Variants in DNAH11 observed in about 807,000 individuals in gnomAD.
DNAH11 encodes the protein dynein axonemal heavy chain 11.
A neutral mutation model predicts 526.0 loss-of-function variants in DNAH11; 442 were observed. The observed-to-expected ratio is 0.84, with a 90% CI of 0.78 to 0.91. DNAH11 has a LOEUF of 0.91. Ranked by LOEUF, DNAH11 falls within the 40% of genes least tolerant of loss-of-function variation. DNAH11 has a pLI of 0.00. For synonymous variants in DNAH11, 2,461 were observed against 1,935.9 expected (o/e 1.27, Z -7.12); for missense variants, 6,989 against 5,448.7 (o/e 1.28, Z -8.90).
At chr7:21,888,047 C>T (rs1388303765) in intron 76 of DNAH11, among the ~76,000 whole-genome samples, 5 of 152,254 alleles carry the variant, frequency 3.3e-5, no homozygotes, top group East Asian at 1.9e-4. Flanking sequence ...ACGGGCAATA[C>T]GGGAGACCAG....
At chr7:21,710,441 C>G (rs566493486) in intron 40 of DNAH11, 112 bp from the exon 41 acceptor site, 5 of 894,188 alleles carry the variant, frequency 5.6e-6, no homozygotes, top group African/African-American at 1.7e-5. Context: ...ACACACTGCC[C>G]GCAAGAAAGA....
chr7:21,754,951 C>T lies in DNAH11; in HGVS notation c.8940+4587C>T, dbSNP rs536358036. ...TTATTTTCAGATATCATGATATTCA[C>T]CAGTGTGTACTAAAGACTCAGAATT... is the stretch of plus-strand genomic sequence containing the variant. On this transcript the variant is annotated intron_variant, in intron 54 of 81. Coordinates refer to ENST00000409508, the MANE Select transcript of DNAH11 (RefSeq NM_001277115.2). Among the ~76,000 whole-genome samples, 3 of 152,288 alleles carry T rather than the reference C, an allele frequency of 2.0e-5. No homozygotes were observed. The East Asian group carries it at 5.8e-4, about 29-fold the overall frequency.
intron 65 of DNAH11, among the ~76,000 whole-genome samples, chr7:21,838,326 A>G (rs532028199): frequency 2.0e-5 from 3 of 152,324 alleles, no homozygotes; most frequent in African/African-American, 4.8e-5. Flanking sequence ...TAAAAGCCCA[A>G]ATGTTAATGA....
Position 21,724,912 on chromosome 7 carries a change from G to A in DNAH11, c.7267-899G>A, listed in dbSNP as rs77500009. Among the ~76,000 whole-genome samples, 11 of 108,642 alleles carry A rather than the reference G, an allele frequency of 1.0e-4. No homozygotes were observed. In the East Asian group the frequency reaches 1.4e-3, roughly 13 times the overall value. 71.3% of individuals were successfully genotyped at this position (108,642 alleles called of 152,430 possible). On this transcript the variant is annotated intron_variant, in intron 44 of 81. Coordinates refer to ENST00000409508, the MANE Select transcript of DNAH11 (RefSeq NM_001277115.2). ...GCCAGATTATCCTATGGATATAGGA[G>A]TCACTGGGCCAGATCATCCTGTGGA...
At chr7:21,850,524 T>G (rs1054939534) in intron 66 of DNAH11, among the ~76,000 whole-genome samples, 4 of 146,720 alleles carry the variant, frequency 2.7e-5, no homozygotes, top group Admixed American at 2.0e-4. Flanking sequence ...GCACATTAAG[T>G]AGTTATTTTT....
Position 21,558,807 on chromosome 7 carries a change from A to G in DNAH11, c.501A>G (p.Leu167=), listed in dbSNP as rs776927803. 1.9e-6 allele frequency: 3 copies of G among 1,573,374 alleles called. No individual in the cohort carries two copies. Among genetic ancestry groups the G allele is most frequent in the Non-Finnish European group, 2.6e-6 (3 of 1,164,988 alleles). ...GHVSAFLDEI[L]VPVLSNKNNH... ...CTATGTTTCTCTTTCTCTAGATTTT[A>G]GTGCCAGTTCTTTCTAATAAGAACA... Residue 167 remains leucine, a synonymous_variant, in exon 3 of 82, where the codon TTA becomes TTG. Coordinates refer to ENST00000409508, the MANE Select transcript of DNAH11 (RefSeq NM_001277115.2).
chr7:21,623,934 G>A (rs1786204321), intron 25 of DNAH11, among the ~76,000 whole-genome samples: 1 of 151,172 alleles, frequency 6.6e-6, no homozygotes, highest in Admixed American at 6.6e-5. Context: ...CCTGCACATT[G>A]TGCACATGTA....
At chr7:21,589,756 C>T (rs977978714) in intron 12 of DNAH11, among the ~76,000 whole-genome samples, 25 of 152,216 alleles carry the variant, frequency 1.6e-4, no homozygotes, top group African/African-American at 6.0e-4. Flanking sequence ...AATCATTTGT[C>T]TTTGCCGGAC....
chr7:21,838,814 C>T lies in DNAH11; in HGVS notation c.10692-3730C>T, dbSNP rs370350290. Among the ~76,000 whole-genome samples, 21 of 152,080 alleles carry T rather than the reference C, an allele frequency of 1.4e-4. No individual in the cohort carries two copies. The East Asian group carries it at 2.5e-3, about 18-fold the overall frequency. On this transcript the variant is annotated intron_variant, in intron 65 of 81. Transcript: ENST00000409508. The stretch of plus-strand genomic sequence containing the variant: ...GCCTGATCACAGCTCACGGCAGCCT[C>T]GACCTCCCAAGGCTCAGGTGATCCT...
At chr7:21,620,341 G>T (rs1282681850) in intron 25 of DNAH11, among the ~76,000 whole-genome samples, 2 of 152,034 alleles carry the variant, frequency 1.3e-5, no homozygotes, top group Non-Finnish European at 2.9e-5. Flanking sequence ...TATTCCTCCT[G>T]TCTAACTGAA....
chr7:21,658,319 T>C (rs1377523556), intron 29 of DNAH11, among the ~76,000 whole-genome samples: 3 of 152,080 alleles, frequency 2.0e-5, no homozygotes, highest in Non-Finnish European at 4.4e-5. Flanking sequence ...ACTATGAAGA[T>C]TTTAGAGAAG....
intron 70 of DNAH11, 90 bp from the exon 71 acceptor site, chr7:21,866,380 T>G: frequency 1.5e-6 from 2 of 1,320,474 alleles, no homozygotes; most frequent in Non-Finnish European, 2.1e-6. Context: ...ACAGTTTTTT[T>G]ACATAAGATT....
chr7:21,619,163 G>C lies in DNAH11; in HGVS notation c.4318G>C (p.Val1440Leu), dbSNP rs753773546. 37 of 1,613,496 alleles carry C rather than the reference G, an allele frequency of 2.3e-5. No homozygotes were observed. In the East Asian group the frequency reaches 2.7e-4, roughly 12 times the overall value. Residue 1440 changes from valine (V) to leucine (L), a missense_variant, in exon 24 of 82, where the codon GTG becomes CTG. Val to Leu is a conservative substitution (Grantham distance 32). Transcript: ENST00000409508. ...TTTGTTAGCACTGCGGTTACACAGAGTGGAAGATGATGTCCGAAGGATTGT... is the reference window on the plus strand; with the variant it reads ...TTTGTTAGCACTGCGGTTACACAGACTGGAAGATGATGTCCGAAGGATTGT... Reference protein sequence around the residue: ...ADLLALRLHRVEDDVRRIVDK... With the variant: ...ADLLALRLHRLEDDVRRIVDK...
At chr7:21,877,598 A>G (rs6964220) in intron 74 of DNAH11, among the ~76,000 whole-genome samples, 125,142 of 152,086 alleles carry the variant, frequency 0.82, 52,805 homozygotes, top group East Asian at 0.95. Context: ...TCTTGAGGCT[A>G]GGCACGGTGG....
chr7:21,654,974 T>G (rs1282111682), intron 28 of DNAH11, among the ~76,000 whole-genome samples: 1 of 152,194 alleles, frequency 6.6e-6, no homozygotes, highest in African/African-American at 2.4e-5. Flanking sequence ...GGGGTTGCGG[T>G]TGGAGGCCAG....
At chr7:21,864,731 A>C (rs1490102176) in intron 70 of DNAH11, 74 bp downstream of exon 70, 23 of 1,401,102 alleles carry the variant, frequency 1.6e-5, no homozygotes, top group Non-Finnish European at 1.9e-6. Flanking sequence ...TTGAAATGTA[A>C]ACATTAAAGA....
At chr7:21,897,956 T>C (rs1784585316) in intron 79 of DNAH11, among the ~76,000 whole-genome samples, 1 of 152,154 alleles carries the variant, frequency 6.6e-6, no homozygotes, top group Admixed American at 6.5e-5. Flanking sequence ...CTCTAACCCT[T>C]TACCTCTTTA....
intron 40 of DNAH11, among the ~76,000 whole-genome samples, chr7:21,708,181 G>C (rs893789595): frequency 6.6e-6 from 1 of 152,162 alleles, no homozygotes; most frequent in Non-Finnish European, 1.5e-5. Flanking sequence ...CATTATTCCA[G>C]GTGCCAGGGA....
chr7:21,894,174 C>A (rs557958434), intron 77 of DNAH11, among the ~76,000 whole-genome samples: 1 of 152,244 alleles, frequency 6.6e-6, no homozygotes, highest in East Asian at 1.9e-4. Context: ...CAGGCGTGAG[C>A]CACTGTGCCC....
Sources: allele counts gnomAD v4.1 joint callset (sites outside exome capture counted in the v4.1 genomes callset), GRCh38; gene constraint gnomAD v4.1.1; transcripts MANE v1.5; gene names NCBI Gene and HGNC (gene_info 2026-07-23, HGNC 2026-07-21).